Variants in INPP4B observed in about 807,000 individuals in gnomAD.
INPP4B encodes inositol polyphosphate 4-phosphatase type II.
INPP4B carries 55 observed loss-of-function variants against 122.5 expected under a neutral mutation model. That is an observed-to-expected ratio of 0.45 (90% CI 0.36 to 0.56). The LOEUF is 0.56. Ranked by LOEUF, INPP4B falls within the 20% of genes least tolerant of loss-of-function variation. The probability of loss-of-function intolerance (pLI) is 0.00; values close to 1 mark genes in which losing one functional copy is unlikely to be tolerated. For synonymous variants in INPP4B, 403 were observed against 388.7 expected, an observed-to-expected ratio of 1.04 and a Z score of -0.43; for missense variants, 1,000 against 1,097.7, an observed-to-expected ratio of 0.91 and a Z score of 1.26.
intron 1 of INPP4B, among the ~76,000 whole-genome samples, chr4:142,746,615 C>G (rs116767708): frequency 0.054 from 8,280 of 152,216 alleles, 304 homozygotes; most frequent in South Asian, 0.087. Flanking sequence ...TACCTGATTT[C>G]AAACTATATA....
At chr4:142,441,879 A>G (rs1445963813) in intron 3 of INPP4B, among the ~76,000 whole-genome samples, 1 of 151,394 alleles carries the variant, frequency 6.6e-6, no homozygotes, top group Non-Finnish European at 1.5e-5. Flanking sequence ...TAACATGGCC[A>G]GAAAAGAGAG....
At chr4:142,234,162 G>C (rs558714716) in intron 12 of INPP4B, among the ~76,000 whole-genome samples, 1 of 152,210 alleles carries the variant, frequency 6.6e-6, no homozygotes, top group Admixed American at 6.5e-5. Flanking sequence ...CTTCCCCTAA[G>C]AACACTTAAA....
At chr4:142,553,270 G>A (rs1203870583) in intron 2 of INPP4B, among the ~76,000 whole-genome samples, 1 of 152,082 alleles carries the variant, frequency 6.6e-6, no homozygotes, top group Non-Finnish European at 1.5e-5. Flanking sequence ...CCTCTACACA[G>A]AAGACTCCAC....
chr4:142,046,925 T>TTACAAGGCTTA (rs1352738053), intron 25 of INPP4B, among the ~76,000 whole-genome samples: 2 of 152,178 alleles, frequency 1.3e-5, no homozygotes, highest in African/African-American at 4.8e-5. Context: ...AGAGCTCACC[T>TTACAAGGCTTA]TACAAGGCTT....
chr4:142,638,917 G>C (rs1749765934), intron 2 of INPP4B, among the ~76,000 whole-genome samples: 2 of 152,188 alleles, frequency 1.3e-5, no homozygotes, highest in Non-Finnish European at 2.9e-5. Context: ...AGGCTTTTTT[G>C]TGGATAGTCT....
intron 2 of INPP4B, among the ~76,000 whole-genome samples, chr4:142,605,176 T>A (rs960270225): frequency 1.3e-5 from 2 of 151,998 alleles, no homozygotes; most frequent in Non-Finnish European, 2.9e-5. Flanking sequence ...CTATTATCAA[T>A]AAACGGTGCT....
intron 7 of INPP4B, among the ~76,000 whole-genome samples, chr4:142,370,072 G>C (rs72724529): frequency 0.024 from 3,704 of 152,144 alleles, 59 homozygotes; most frequent in Middle Eastern, 0.041. Flanking sequence ...TGCTTAAACA[G>C]TATTGGAATG....
intron 16 of INPP4B, among the ~76,000 whole-genome samples, chr4:142,166,420 C>T (rs1822756757): frequency 6.6e-6 from 1 of 151,596 alleles, no homozygotes. Flanking sequence ...AATGTAAAAC[C>T]CAAAACTATA....
chr4:142,253,258 C>T (rs1488818629), intron 11 of INPP4B, among the ~76,000 whole-genome samples: 2 of 152,156 alleles, frequency 1.3e-5, no homozygotes, highest in Non-Finnish European at 2.9e-5. Context: ...TAGAACATTA[C>T]CACATACTAC....
intron 17 of INPP4B, among the ~76,000 whole-genome samples, chr4:142,155,935 AAATT>A (rs1405453622): frequency 6.7e-6 from 1 of 149,290 alleles, no homozygotes; most frequent in Non-Finnish European, 1.5e-5. Context: ...AATTATTGAA[AAATT>A]AATATGGATG....
chr4:142,676,050 T>G (rs991248365), intron 2 of INPP4B, among the ~76,000 whole-genome samples: 1 of 152,140 alleles, frequency 6.6e-6, no homozygotes, highest in Non-Finnish European at 1.5e-5. Flanking sequence ...AGAGAGGAAG[T>G]CAAATTGTCT....
intron 2 of INPP4B, among the ~76,000 whole-genome samples, chr4:142,697,034 G>A (rs960060212): frequency 2.0e-5 from 3 of 152,098 alleles, no homozygotes; most frequent in African/African-American, 7.2e-5. Context: ...AAGGATGTCA[G>A]TTACAGTTTA....
At chr4:142,035,461 T>C (rs336348) in intron 25 of INPP4B, among the ~76,000 whole-genome samples, 15,817 of 152,164 alleles carry the variant, frequency 0.1, 1,501 homozygotes, top group African/African-American at 0.26. Flanking sequence ...AAAGATACTA[T>C]TCACCTAGAA....
intron 5 of INPP4B, among the ~76,000 whole-genome samples, chr4:142,419,135 G>A (rs1027048450): frequency 3.3e-5 from 5 of 152,000 alleles, no homozygotes; most frequent in African/African-American, 1.2e-4. Flanking sequence ...ATACCATGGG[G>A]GAATACAATA....
intron 1 of INPP4B, among the ~76,000 whole-genome samples, chr4:142,822,587 G>A (rs1447549445): frequency 6.6e-6 from 1 of 151,926 alleles, no homozygotes; most frequent in Non-Finnish European, 1.5e-5. Flanking sequence ...AAGGTCTGAG[G>A]TGGAACTGTT....
At chr4:142,537,429 T>TATATATATATATATATATAGAGAG (rs1200701380) in intron 2 of INPP4B, among the ~76,000 whole-genome samples, 4 of 25,480 alleles carry the variant, frequency 1.6e-4, no homozygotes, top group Non-Finnish European at 3.7e-4. Flanking sequence ...TATATATATA[T>TATATATATATATATATATAGAGAG]AGAGAGAGAG....
chr4:142,565,258 GC>G, intron 2 of INPP4B, among the ~76,000 whole-genome samples: 1 of 152,210 alleles, frequency 6.6e-6, no homozygotes, highest in Non-Finnish European at 1.5e-5. Context: ...AATAAGATGA[GC>G]CTGAAATATT....
chr4:142,299,010 T>C (rs1268931323), intron 9 of INPP4B, among the ~76,000 whole-genome samples: 4 of 152,138 alleles, frequency 2.6e-5, no homozygotes, highest in African/African-American at 9.7e-5. Context: ...CAAGTCAGTG[T>C]CAGAGCTGTC....
intron 3 of INPP4B, among the ~76,000 whole-genome samples, chr4:142,444,571 T>C (rs1376214675): frequency 6.6e-6 from 1 of 151,916 alleles, no homozygotes; most frequent in African/African-American, 2.4e-5. Flanking sequence ...GAGTGTAAAT[T>C]AGTTCAACCA....
Sources: gnomAD v4.1 joint callset for allele counts (sites outside exome capture counted in the v4.1 genomes callset) on GRCh38, gnomAD v4.1.1 for gene constraint, MANE v1.5 for transcripts, NCBI Gene and HGNC (gene_info 2026-07-23, HGNC 2026-07-21) for gene names.